ARID3C: variants seen among roughly 807,000 people sequenced by gnomAD.
The protein encoded by ARID3C is AT-rich interaction domain 3C.
A neutral mutation model predicts 37.9 loss-of-function variants in ARID3C; 42 were observed. The observed-to-expected ratio is 1.11, with a 90% CI of 0.87 to 1.43. The LOEUF is 1.43. ARID3C is among the 40% of genes most tolerant of loss of function. ARID3C has a pLI of 0.00. For synonymous variants in ARID3C, 213 were observed against 228.0 expected, an observed-to-expected ratio of 0.93 and a Z score of 0.59; for missense variants, 581 against 548.8, an observed-to-expected ratio of 1.06 and a Z score of -0.59.
chr9:34,630,761 G>C (rs889176418), upstream of ARID3C, among the ~76,000 whole-genome samples: 1 of 152,084 alleles, frequency 6.6e-6, no homozygotes, highest in Non-Finnish European at 1.5e-5. Context: ...GTTCTCTATG[G>C]CCCATTCCTG....
upstream of ARID3C, among the ~76,000 whole-genome samples, chr9:34,632,803 C>T (rs576070992): frequency 5.3e-5 from 8 of 152,084 alleles, no homozygotes; most frequent in East Asian, 1.9e-4. Context: ...GGAGAGAATT[C>T]GGTTTGCTTT....
At chr9:34,630,052 C>G (rs551688102), upstream of ARID3C, among the ~76,000 whole-genome samples, 1 of 152,250 alleles carries the variant, frequency 6.6e-6, no homozygotes, top group East Asian at 1.9e-4. Flanking sequence ...CATGAGCTAC[C>G]GTACCCAGCC....
chr9:34,621,414 C>T (rs760812117), exon 7 of ARID3C: 3 of 1,333,598 alleles, frequency 2.2e-6, no homozygotes, highest in Non-Finnish European at 3.0e-6. Flanking sequence ...GTCTCCTCCC[C>T]CCTCAGCAAT....
downstream of ARID3C, chr9:34,621,363 TG>T: frequency 1.1e-6 from 1 of 891,258 alleles, no homozygotes; most frequent in Non-Finnish European, 1.6e-6. Flanking sequence ...CTCCCAGGGC[TG>T]GGTCCCAGAG....
At chr9:34,622,554 C>G (rs369221210) in intron 4 of ARID3C, 25 bp from the exon 6 acceptor site, 5 of 1,559,558 alleles carry the variant, frequency 3.2e-6, no homozygotes, top group African/African-American at 1.4e-5. Context: ...TATTCAGCTC[C>G]CCTGGCCAAA....
At chr9:34,632,250 G>C (rs958284854), upstream of ARID3C, among the ~76,000 whole-genome samples, 18 of 152,204 alleles carry the variant, frequency 1.2e-4, no homozygotes, top group Non-Finnish European at 2.4e-4. Context: ...TGACTACGTG[G>C]ATACCTAGGG....
At chr9:34,630,154 T>G (rs991527606), upstream of ARID3C, among the ~76,000 whole-genome samples, 15 of 152,196 alleles carry the variant, frequency 9.9e-5, no homozygotes, top group African/African-American at 2.9e-4. Flanking sequence ...GACCGGCACT[T>G]CGCCCATGTT....
chr9:34,623,451 T>C, exon 4 of ARID3C: 1 of 1,531,624 alleles, frequency 6.5e-7, no homozygotes, highest in Non-Finnish European at 8.7e-7. Flanking sequence ...TGGACTCAGC[T>C]GAGCGCATGC....
rs766687973 is a variant in ARID3C at position 34,622,398 on chromosome 9, G to A, written c.997C>T (p.Arg333Ter). 8.7e-6 allele frequency: 14 copies of A among 1,613,568 alleles called. No homozygotes were observed. Among genetic ancestry groups the A allele is most frequent in the Admixed American group, 8.4e-5 (5 of 59,878 alleles). The change falls in exon 5 of 7, where the codon CGA (arginine) becomes TGA (stop). Residue 333 changes from arginine to a stop codon, truncating the protein, a stop_gained. Transcript: ENST00000378909. LOFTEE classifies it high-confidence loss of function. ...AGGAAACTGGGGGGCATGCAAGGTC[G>A]AGGTGGGTCCATAGGCCCCATCAGC... is the stretch of plus-strand genomic sequence containing the variant.
At chr9:34,631,517 T>A (rs1306012184), upstream of ARID3C, among the ~76,000 whole-genome samples, 1 of 152,168 alleles carries the variant, frequency 6.6e-6, no homozygotes, top group Admixed American at 6.6e-5. Context: ...ATTTATTATC[T>A]ATTTTTTTTG....
chr9:34,632,287 TACAAATATC>T (rs1165474908), upstream of ARID3C, among the ~76,000 whole-genome samples: 2 of 152,140 alleles, frequency 1.3e-5, no homozygotes, highest in African/African-American at 4.8e-5. Flanking sequence ...GAATAGCAGG[TACAAATATC>T]CTGGGATAGA....
upstream of ARID3C, among the ~76,000 whole-genome samples, chr9:34,629,688 C>T (rs1473987003): frequency 6.6e-6 from 1 of 152,220 alleles, no homozygotes; most frequent in Non-Finnish European, 1.5e-5. Context: ...GATACACAGC[C>T]ACACACAGTT....
exon 1 of ARID3C, chr9:34,627,952 A>C: frequency 1.9e-6 from 3 of 1,549,714 alleles, no homozygotes; most frequent in Non-Finnish European, 2.6e-6. Flanking sequence ...GCGGGCATGC[A>C]GGGGCCAATG....
At chr9:34,623,780 G>A in intron 3 of ARID3C, 66 bp from the exon 5 acceptor site, 2 of 1,500,458 alleles carry the variant, frequency 1.3e-6, no homozygotes, top group Middle Eastern at 2.2e-4. Context: ...TCCCACAGCC[G>A]GACGCCCGCC....
chr9:34,623,817 G>A, intron 3 of ARID3C, 47 bp downstream of exon 4: 1 of 860,344 alleles, frequency 1.2e-6, no homozygotes. Flanking sequence ...TCCCGCCCCA[G>A]GCCGAACCCG....
chr9:34,623,561 C>G, exon 4 of ARID3C: 1 of 1,603,480 alleles, frequency 6.2e-7, no homozygotes, highest in Non-Finnish European at 8.5e-7. Context: ...CCTGAGCGCC[C>G]CGAGGGGGCG....
At chr9:34,622,877 G>A (rs1439697248) in intron 4 of ARID3C, among the ~76,000 whole-genome samples, 3 of 152,060 alleles carry the variant, frequency 2.0e-5, no homozygotes, top group South Asian at 2.1e-4. Context: ...GGCCGGGCGC[G>A]GTGACTCAGC....
rs1418340220 is a variant in ARID3C at position 34,627,708 on chromosome 9, G to A, written c.307C>T (p.Gln103Ter). Residue 103 changes from glutamine (Q) to a stop codon, truncating the protein, a stop_gained, in exon 1 of 7, where the codon CAA becomes TAA. Transcript: ENST00000378909. LOFTEE classifies it high-confidence loss of function. ...GGCATAGGTCCTACCTGCTTGAATT[G>A]TTCCTCGTAGGTCCACTCGTGGGGA... 6.2e-7 allele frequency: 1 copy of A among 1,610,526 alleles called. No homozygotes were observed. The highest frequency in any genetic ancestry group is 8.5e-7 in the Non-Finnish European group (1 of 1,178,372).
upstream of ARID3C, among the ~76,000 whole-genome samples, chr9:34,629,515 A>G (rs924004924): frequency 1.3e-5 from 2 of 152,128 alleles, no homozygotes; most frequent in African/African-American, 4.8e-5. Flanking sequence ...TCAGAATAGA[A>G]GCTTCTCCCT....
Sources: gnomAD v4.1 joint callset for allele counts (sites outside exome capture counted in the v4.1 genomes callset) on GRCh38, gnomAD v4.1.1 for gene constraint, MANE v1.5 for transcripts, NCBI Gene and HGNC (gene_info 2026-07-23, HGNC 2026-07-21) for gene names.